The following BTBD7 variants were observed in gnomAD, a reference collection of about 807,000 sequenced individuals.
BTBD7 encodes BTB/POZ domain-containing protein 7.
BTBD7 carries 38 observed loss-of-function variants against 99.9 expected under a neutral mutation model. That is an observed-to-expected ratio of 0.38 (90% CI 0.29 to 0.50). The LOEUF is 0.50. BTBD7 is among the 20% of genes least tolerant of loss of function. The pLI is 0.93. For missense variants in BTBD7, 1,170 were observed against 1,394.6 expected, an observed-to-expected ratio of 0.84 and a Z score of 2.57; for synonymous variants, 520 against 511.4, an observed-to-expected ratio of 1.02 and a Z score of -0.23.
chr14:93,243,117 G>C, intron 10 of BTBD7, 29 bp from the exon 11 acceptor site: 1 of 1,574,710 alleles, frequency 6.4e-7, no homozygotes. Context: ...ATGGTGGGAG[G>C]GTTAAAAAAA....
rs148182390 is a variant in BTBD7, at chr14:93,315,313, A to G, written c.-107+17507T>C. On this transcript the variant is annotated intron_variant, in intron 1 of 10. Coordinates refer to ENST00000334746, the MANE Select transcript of BTBD7 (RefSeq NM_001002860.4). ...TATACTAACATTTAACATTTTATTA[A>G]GTCCTAAGTATTAAGCTAACTCAAT... Among the ~76,000 whole-genome samples the G allele has an allele frequency of 1.4e-3, 214 of 152,332 alleles. 2 individuals are homozygous for G. Among genetic ancestry groups the G allele is most frequent in the Middle Eastern group, 0.01 (3 of 294 alleles).
Position 93,310,638 on chromosome 14 carries a change from G to C in BTBD7, c.-106-14481C>G, listed in dbSNP as rs559835360. ...CACGCACCTGTAGTCCCAGGTACTC[G>C]GGGGCTGAGGCACAAGAATTGCTTG... On this transcript the variant is annotated intron_variant, in intron 1 of 10. Transcript: ENST00000334746. 4.1e-4 allele frequency among the ~76,000 whole-genome samples: 63 copies of C among 152,166 alleles called. 1 individual carries two copies. In the South Asian group the frequency reaches 8.3e-3, roughly 20 times the overall value.
intron 1 of BTBD7, among the ~76,000 whole-genome samples, chr14:93,326,596 G>A (rs1442494520): frequency 6.6e-6 from 1 of 152,184 alleles, no homozygotes; most frequent in Non-Finnish European, 1.5e-5. Context: ...TATGTAAGGA[G>A]TTTGAGACCA....
chr14:93,247,600 C>T (rs2052327537), intron 9 of BTBD7, among the ~76,000 whole-genome samples: 2 of 152,244 alleles, frequency 1.3e-5, no homozygotes, highest in African/African-American at 4.8e-5. Context: ...CCCACCTTGG[C>T]ATCCCAAAGA....
intron 3 of BTBD7, among the ~76,000 whole-genome samples, chr14:93,289,214 C>T (rs1168566802): frequency 6.6e-6 from 1 of 152,066 alleles, no homozygotes; most frequent in South Asian, 2.1e-4. Context: ...TTAAGAGTGG[C>T]ACAAATCAGG....
chr14:93,294,336 T>C lies in BTBD7; in HGVS notation c.684A>G (p.Gly228=). ...DILVQLSEEF[G]TPNSLDVDMR... is the part of the protein sequence containing the mutation. ...TATCTACATCAAGGGAATTTGGTGTTCCAAATTCTTCACTAAGCTGAACAA... is the reference window on the plus strand; with the variant it reads ...TATCTACATCAAGGGAATTTGGTGTCCCAAATTCTTCACTAAGCTGAACAA... Residue 228 remains glycine, a synonymous_variant, in exon 3 of 11, where the codon GGA becomes GGG. Transcript: ENST00000334746. 1.2e-6 allele frequency: 2 copies of C among 1,614,134 alleles called. No homozygotes were observed. The highest frequency in any genetic ancestry group is 8.5e-7 in the Non-Finnish European group (1 of 1,180,014).
intron 1 of BTBD7, among the ~76,000 whole-genome samples, chr14:93,306,419 CA>C (rs2053070884): frequency 9.3e-6 from 1 of 107,872 alleles, no homozygotes; most frequent in South Asian, 3.0e-4. Context: ...GCCTGGGCAA[CA>C]AAACAACCTC....
At chr14:93,289,239 A>G (rs1298765239) in intron 3 of BTBD7, among the ~76,000 whole-genome samples, 1 of 152,222 alleles carries the variant, frequency 6.6e-6, no homozygotes. Context: ...GGGAATTAGT[A>G]GGGAATACTT....
chr14:93,257,792 C>A (rs2052446559), intron 5 of BTBD7, among the ~76,000 whole-genome samples: 1 of 152,186 alleles, frequency 6.6e-6, no homozygotes, highest in African/African-American at 2.4e-5. Context: ...ATATGTGTAA[C>A]AGTAATTTAA....
Position 93,253,745 on chromosome 14 carries a change from T to C in BTBD7, c.1654A>G (p.Thr552Ala), listed in dbSNP as rs1049857465. 9.9e-6 allele frequency: 16 copies of C among 1,612,522 alleles called. No homozygotes were observed. Among genetic ancestry groups the C allele is most frequent in the Non-Finnish European group, 1.1e-5 (13 of 1,179,016 alleles). ...ISTPPSDMLP[T>A]TEGGKSNAWL... The stretch of plus-strand genomic sequence containing the variant: ...GCATTTGACTTCCCACCTTCTGTTG[T>C]AGGAAGCATATCTGATGGAGGAGTA... Residue 552 changes from threonine to alanine, a missense_variant, in exon 7 of 11, where the codon ACA becomes GCA. By Grantham distance (58) the Thr-to-Ala change is moderately conservative. This residue lies in a region of BTBD7 where 309 missense variants were observed against 342.0 expected (regional missense o/e 0.90). Coordinates refer to ENST00000334746, the MANE Select transcript of BTBD7 (RefSeq NM_001002860.4).
rs530552380 is a variant in BTBD7 at position 93,314,805 on chromosome 14, T to C, written c.-107+18015A>G. Among the ~76,000 whole-genome samples, 7 of 152,326 alleles carry C rather than the reference T, an allele frequency of 4.6e-5. No homozygotes were observed. The East Asian group carries it at 1.3e-3, about 29-fold the overall frequency. ...CCAAAATGCTGGACATTATTCATCT[T>C]TGCAATCTGATGGAGGAAAAATTAT... is the stretch of plus-strand genomic sequence containing the variant. On this transcript the variant is annotated intron_variant, in intron 1 of 10. Transcript: ENST00000334746.
intron 1 of BTBD7, among the ~76,000 whole-genome samples, chr14:93,316,904 A>G (rs183916458): frequency 4.1e-4 from 63 of 152,112 alleles, no homozygotes; most frequent in Middle Eastern, 3.4e-3. Flanking sequence ...TGGGTCAGGG[A>G]AAAAAAACGT....
At chr14:93,301,093 G>A (rs1360977655) in intron 1 of BTBD7, among the ~76,000 whole-genome samples, 2 of 152,118 alleles carry the variant, frequency 1.3e-5, no homozygotes, top group East Asian at 1.9e-4. Context: ...CCTATATTAC[G>A]TCTATAATCC....
intron 3 of BTBD7, among the ~76,000 whole-genome samples, chr14:93,267,566 T>C (rs2052555799): frequency 6.6e-6 from 1 of 152,240 alleles, no homozygotes; most frequent in South Asian, 2.1e-4. Context: ...ACTTCCCAGC[T>C]GATAGCTCCA....
chr14:93,325,631 T>A (rs1427650816), intron 1 of BTBD7, among the ~76,000 whole-genome samples: 1 of 152,170 alleles, frequency 6.6e-6, no homozygotes, highest in Non-Finnish European at 1.5e-5. Flanking sequence ...CCATACCTAT[T>A]TTAACAGATG....
intron 8 of BTBD7, among the ~76,000 whole-genome samples, chr14:93,251,088 A>C (rs570117427): frequency 3.9e-5 from 6 of 152,326 alleles, no homozygotes; most frequent in African/African-American, 1.4e-4. Flanking sequence ...TGTTTCCAAA[A>C]GGTTTTCAGA....
chr14:93,331,885 C>CCCT lies in BTBD7; in HGVS notation c.-107+934_-107+935insAGG, dbSNP rs556726487. Among the ~76,000 whole-genome samples the CCCT allele has an allele frequency of 2.7e-5, 4 of 147,164 alleles. 1 individual carries two copies. Among genetic ancestry groups the CCCT allele is most frequent in the African/African-American group, 1.1e-4 (4 of 37,276 alleles). ...GACAGAGCGAGACTCCGTCTCCCCC[C>CCCT]CCCCAAAAAGGTTGTTAGTTGAAAA... On this transcript the variant is annotated intron_variant, in intron 1 of 10. Coordinates refer to ENST00000334746, the MANE Select transcript of BTBD7 (RefSeq NM_001002860.4).
chr14:93,318,354 T>G (rs1010880592), intron 1 of BTBD7, among the ~76,000 whole-genome samples: 2 of 152,122 alleles, frequency 1.3e-5, no homozygotes, highest in African/African-American at 4.8e-5. Context: ...GAGGGGGGCT[T>G]TTGGAATACT....
At chr14:93,288,673 T>C in intron 3 of BTBD7, 1 of 1,531,516 alleles carries the variant, frequency 6.5e-7, no homozygotes, top group South Asian at 1.1e-5. Flanking sequence ...TTGAAAGCTC[T>C]GCTGCACAGG....
Sources: gnomAD v4.1 joint callset for allele counts (sites outside exome capture counted in the v4.1 genomes callset) on GRCh38, gnomAD v4.1.1 for gene constraint, gnomAD v4.1.1 regional missense constraint, MANE v1.5 for transcripts, NCBI Gene and HGNC (gene_info 2026-07-23, HGNC 2026-07-21) for gene names.